The following NRG3 variants were observed in gnomAD, a reference collection of about 807,000 sequenced individuals.
NRG3 encodes neuregulin 3.
In NRG3, 31 loss-of-function variants were observed where a neutral mutation model predicts 66.9. That is an observed-to-expected ratio of 0.46 (90% CI 0.35 to 0.63). The LOEUF (loss-of-function observed/expected upper bound fraction) is 0.63, where lower values mean the gene tolerates loss of function less well. NRG3 is among the 20% of genes least tolerant of loss of function. The pLI is 0.00. For synonymous variants in NRG3, 393 were observed against 359.4 expected, an observed-to-expected ratio of 1.09 and a Z score of -1.06; for missense variants, 910 against 878.9, an observed-to-expected ratio of 1.04 and a Z score of -0.45.
At chr10:82,487,508 A>G (rs1842779369) in intron 2 of NRG3, among the ~76,000 whole-genome samples, 2 of 152,156 alleles carry the variant, frequency 1.3e-5, no homozygotes, top group South Asian at 2.1e-4. Flanking sequence ...ATAGTGTTAT[A>G]ATGAGTGCAC....
At position 82,447,185 on chromosome 10, in the gene NRG3, T is replaced by C. The variant is rs543402687; in HGVS notation, c.953+88317T>C. On this transcript the variant is annotated intron_variant, in intron 2 of 8. Transcript: ENST00000372141. ...GGAGACAGTGGGCAGAAATGGATGCTTCTCCCAAATTATGGTAAATGCAGA... is the reference window on the plus strand; with the variant it reads ...GGAGACAGTGGGCAGAAATGGATGCCTCTCCCAAATTATGGTAAATGCAGA... Among the ~76,000 whole-genome samples, 159 of 152,340 alleles carry C rather than the reference T, an allele frequency of 1.0e-3. 1 individual carries two copies. Among genetic ancestry groups the C allele is most frequent in the African/African-American group, 3.5e-3 (146 of 41,576 alleles).
chr10:82,312,050 TA>T (rs1200737879), intron 1 of NRG3, among the ~76,000 whole-genome samples: 1 of 152,186 alleles, frequency 6.6e-6, no homozygotes, highest in Non-Finnish European at 1.5e-5. Context: ...GTAACAGGTA[TA>T]AAGTGTTCAG....
At chr10:82,466,172 C>T (rs920307498) in intron 2 of NRG3, among the ~76,000 whole-genome samples, 61 of 152,204 alleles carry the variant, frequency 4.0e-4, no homozygotes, top group African/African-American at 1.4e-3. Context: ...ACTATTCCTC[C>T]TCTTCTCCTC....
At chr10:82,984,900 T>G in intron 8 of NRG3, 198 bp from the exon 9 acceptor site, 1 of 1,351,476 alleles carries the variant, frequency 7.4e-7, no homozygotes, top group Non-Finnish European at 1.1e-6. Context: ...TTATTTTCTG[T>G]GTGACCTTGG....
intron 2 of NRG3, among the ~76,000 whole-genome samples, chr10:82,392,900 T>A (rs573568517): frequency 2.2e-4 from 33 of 151,126 alleles, no homozygotes; most frequent in South Asian, 1.5e-3. Flanking sequence ...ATATATATAT[T>A]TTTTGCAGGC....
chr10:82,932,258 C>T (rs577814422), intron 4 of NRG3, among the ~76,000 whole-genome samples: 38 of 152,332 alleles, frequency 2.5e-4, no homozygotes, highest in African/African-American at 9.1e-4. Flanking sequence ...CACCGCTACA[C>T]ACCATAGTTC....
At chr10:81,965,591 A>T (rs1327877921) in intron 1 of NRG3, among the ~76,000 whole-genome samples, 3 of 152,136 alleles carry the variant, frequency 2.0e-5, no homozygotes, top group African/African-American at 7.2e-5. Context: ...TAAATCATCT[A>T]TGATTTTATG....
intron 2 of NRG3, among the ~76,000 whole-genome samples, chr10:82,419,509 C>T (rs2088899219): frequency 6.6e-6 from 1 of 152,126 alleles, no homozygotes; most frequent in African/African-American, 2.4e-5. Context: ...TTACTAAAGT[C>T]TTTCCATTAA....
intron 3 of NRG3, among the ~76,000 whole-genome samples, chr10:82,750,525 C>T (rs1357958714): frequency 6.6e-6 from 1 of 152,022 alleles, no homozygotes; most frequent in Non-Finnish European, 1.5e-5. Flanking sequence ...TCCTTAGGTC[C>T]CCTTAGGCCC....
At chr10:82,836,595 A>G (rs1032059593) in intron 3 of NRG3, among the ~76,000 whole-genome samples, 6 of 152,106 alleles carry the variant, frequency 3.9e-5, no homozygotes, top group Non-Finnish European at 7.4e-5. Context: ...AATTATTTCT[A>G]TAGCATTGAC....
intron 1 of NRG3, among the ~76,000 whole-genome samples, chr10:82,208,503 TG>T (rs1224660635): frequency 6.6e-6 from 1 of 152,160 alleles, no homozygotes; most frequent in East Asian, 1.9e-4. Context: ...CCTTGCTCTT[TG>T]TCCTGTAGAT....
chr10:81,912,369 G>A (rs1462953004), intron 1 of NRG3, among the ~76,000 whole-genome samples: 2 of 152,090 alleles, frequency 1.3e-5, no homozygotes, highest in Non-Finnish European at 2.9e-5. Flanking sequence ...CCACAGGTGT[G>A]TAACACCAAA....
chr10:82,241,807 C>T (rs1376054292), intron 1 of NRG3, among the ~76,000 whole-genome samples: 1 of 152,068 alleles, frequency 6.6e-6, no homozygotes, highest in East Asian at 1.9e-4. Flanking sequence ...GGAAGTACAT[C>T]GCGAAGTCTT....
At chr10:82,717,501 G>A (rs1232565603) in intron 2 of NRG3, among the ~76,000 whole-genome samples, 2 of 141,796 alleles carry the variant, frequency 1.4e-5, no homozygotes, top group Non-Finnish European at 3.0e-5. Context: ...CCAGGTTCAC[G>A]CCATCCTCCT....
chr10:82,872,888 A>T (rs1841469710), intron 4 of NRG3, among the ~76,000 whole-genome samples: 1 of 152,148 alleles, frequency 6.6e-6, no homozygotes, highest in African/African-American at 2.4e-5. Context: ...CTCCCACATT[A>T]AAGCAAGACT....
At chr10:82,505,576 C>T (rs931640518) in intron 2 of NRG3, among the ~76,000 whole-genome samples, 4 of 152,160 alleles carry the variant, frequency 2.6e-5, no homozygotes, top group Non-Finnish European at 5.9e-5. Context: ...TTGTGTAAGT[C>T]AGTGCACAAT....
In NRG3 at chr10:82,562,247, T is replaced by A. The variant is rs1038583471; in HGVS notation, c.954-176330T>A. 2.3e-4 allele frequency among the ~76,000 whole-genome samples: 35 copies of A among 152,206 alleles called. 1 individual carries two copies. Among genetic ancestry groups the A allele is most frequent in the Non-Finnish European group, 2.9e-5 (2 of 68,040 alleles). On this transcript the variant is annotated intron_variant, in intron 2 of 8. Coordinates refer to ENST00000372141, the MANE Select transcript of NRG3 (RefSeq NM_001010848.4). ...TCTTCATCATAGTTTCTATCTCTAT[T>A]ATGTTACAGATATAGGTAAATGTGG...
chr10:81,912,381 C>G (rs142055544), intron 1 of NRG3, among the ~76,000 whole-genome samples: 3 of 152,228 alleles, frequency 2.0e-5, no homozygotes, highest in African/African-American at 7.2e-5. Flanking sequence ...AACACCAAAC[C>G]TGGTAGATTT....
At chr10:82,975,685 T>C (rs1447041181) in intron 7 of NRG3, among the ~76,000 whole-genome samples, 1 of 152,226 alleles carries the variant, frequency 6.6e-6, no homozygotes, top group African/African-American at 2.4e-5. Context: ...AACGTTTTCA[T>C]GATCGATAAC....
Sources: allele counts gnomAD v4.1 joint callset (sites outside exome capture counted in the v4.1 genomes callset), GRCh38; gene constraint gnomAD v4.1.1; transcripts MANE v1.5; gene names NCBI Gene and HGNC (gene_info 2026-07-23, HGNC 2026-07-21).